The following CAMKMT variants were observed in gnomAD, a reference collection of about 807,000 sequenced individuals.
CAMKMT encodes calmodulin-lysine N-methyltransferase.
Under a neutral mutation model 48.0 loss-of-function variants are expected in CAMKMT, and 53 were observed. That is an observed-to-expected ratio of 1.10 (90% CI 0.89 to 1.39). CAMKMT has a LOEUF of 1.39. Among genes scored for constraint, CAMKMT ranks in the 40% most tolerant of loss-of-function variants. The pLI is 0.00. For missense variants in CAMKMT, 428 were observed against 402.7 expected, an observed-to-expected ratio of 1.06 and a Z score of -0.54; for synonymous variants, 165 against 152.3, an observed-to-expected ratio of 1.08 and a Z score of -0.61.
intron 3 of CAMKMT, among the ~76,000 whole-genome samples, chr2:44,587,959 CCT>C (rs1481630918): frequency 8.1e-6 from 1 of 123,466 alleles, no homozygotes; most frequent in African/African-American, 3.0e-5. Context: ...ATATGAGGAG[CCT>C]CTCTGCCTGG....
intron 3 of CAMKMT, among the ~76,000 whole-genome samples, chr2:44,420,946 G>C (rs1683898139): frequency 6.6e-6 from 1 of 151,656 alleles, no homozygotes; most frequent in Non-Finnish European, 1.5e-5. Context: ...GTAGTCAAGA[G>C]GATCACAAAG....
At chr2:44,470,994 C>CTTTTTT (rs11362559) in intron 3 of CAMKMT, among the ~76,000 whole-genome samples, 1 of 74,934 alleles carries the variant, frequency 1.3e-5, no homozygotes, top group Non-Finnish European at 2.7e-5. Flanking sequence ...CTCTCTCTCT[C>CTTTTTT]TTTTTTTTTT....
At chr2:44,706,886 T>C (rs889629230) in intron 5 of CAMKMT, among the ~76,000 whole-genome samples, 5 of 152,070 alleles carry the variant, frequency 3.3e-5, no homozygotes, top group Admixed American at 6.6e-5. Context: ...TCTCTACAAA[T>C]AAAAGCATAT....
intron 2 of CAMKMT, among the ~76,000 whole-genome samples, chr2:44,386,933 A>G (rs1433424309): frequency 6.6e-6 from 1 of 152,100 alleles, no homozygotes; most frequent in Non-Finnish European, 1.5e-5. Context: ...TTTATGGCCT[A>G]TCATATGGTC....
At chr2:44,562,570 C>G (rs1668380132) in intron 3 of CAMKMT, among the ~76,000 whole-genome samples, 1 of 151,832 alleles carries the variant, frequency 6.6e-6, no homozygotes, top group South Asian at 2.1e-4. Flanking sequence ...GCCATGCTCT[C>G]TTTTTTTTGA....
At chr2:44,699,219 C>G (rs1181132588) in intron 3 of CAMKMT, among the ~76,000 whole-genome samples, 1 of 152,208 alleles carries the variant, frequency 6.6e-6, no homozygotes, top group African/African-American at 2.4e-5. Context: ...AGATTTTCAA[C>G]TGACTTTGCT....
intron 3 of CAMKMT, among the ~76,000 whole-genome samples, chr2:44,686,392 C>CA (rs35238467): frequency 0.28 from 31,557 of 112,820 alleles, 3,761 homozygotes; most frequent in South Asian, 0.36. Context: ...GACTCTGCCT[C>CA]AAAAAAAAAA....
At chr2:44,556,116 C>T (rs1261143268) in intron 3 of CAMKMT, among the ~76,000 whole-genome samples, 1 of 151,956 alleles carries the variant, frequency 6.6e-6, no homozygotes, top group African/African-American at 2.4e-5. Flanking sequence ...AAAATACCTA[C>T]AATTTTTTTT....
chr2:44,626,628 G>A (rs1339841906), intron 3 of CAMKMT, among the ~76,000 whole-genome samples: 1 of 152,070 alleles, frequency 6.6e-6, no homozygotes, highest in Non-Finnish European at 1.5e-5. Context: ...ACGGTAGAAG[G>A]GGCTAGCTAG....
chr2:44,716,583 C>A lies in CAMKMT; in HGVS notation c.623+1230C>A, dbSNP rs1214147912. On this transcript the variant is annotated intron_variant, in intron 7 of 10. Transcript: ENST00000378494. ...TGTGTTTCTCATATAAATGAACAAA[C>A]CACTTCTGTTTCCCAGAAAACCTGG... Among the ~76,000 whole-genome samples, 6 of 152,128 alleles carry A rather than the reference C, an allele frequency of 3.9e-5. No homozygotes were observed. In the East Asian group the frequency reaches 1.2e-3, roughly 29 times the overall value.
intron 3 of CAMKMT, among the ~76,000 whole-genome samples, chr2:44,533,785 A>T (rs1029060080): frequency 6.6e-6 from 1 of 152,238 alleles, no homozygotes; most frequent in African/African-American, 2.4e-5. Context: ...AAAGAAAAAC[A>T]CTAAACCACA....
Position 44,361,996 on chromosome 2 carries a change from G to A in CAMKMT, c.-12G>A, listed in dbSNP as rs752887277. The A allele has an allele frequency of 6.7e-5, 93 of 1,383,948 alleles. No homozygotes were observed. Among genetic ancestry groups the A allele is most frequent in the Non-Finnish European group, 7.5e-6 (8 of 1,072,860 alleles). 85.7% of individuals were successfully genotyped at this position (1,383,948 alleles called of 1,614,324 possible). ...GGCGGTGGCACCTCCGGGTGTGGAA[G>A]GCTCCAGTGAGATGGAGTCGCGAGT... On this transcript the variant is annotated 5_prime_UTR_variant, in exon 1 of 11. Coordinates refer to ENST00000378494, the MANE Select transcript of CAMKMT (RefSeq NM_024766.5).
At chr2:44,455,571 T>C (rs1054532139) in intron 3 of CAMKMT, among the ~76,000 whole-genome samples, 2 of 152,186 alleles carry the variant, frequency 1.3e-5, no homozygotes, top group African/African-American at 4.8e-5. Context: ...ACTAGTGTCT[T>C]GAGAGTCAAA....
intron 3 of CAMKMT, among the ~76,000 whole-genome samples, chr2:44,557,742 C>T (rs1668092515): frequency 6.6e-6 from 1 of 152,192 alleles, no homozygotes; most frequent in Non-Finnish European, 1.5e-5. Flanking sequence ...GGGAGGTGAT[C>T]ACTTTTTGTG....
rs1669755595 is a variant in CAMKMT at position 44,584,756 on chromosome 2, A to G, written c.377-119527A>G. Among the ~76,000 whole-genome samples, 3 of 152,088 alleles carry G rather than the reference A, an allele frequency of 2.0e-5. No individual in the cohort carries two copies. In the South Asian group the frequency reaches 6.2e-4, roughly 32 times the overall value. ...GGGAAATTGGGTGTCTGCATGAAATAATTAAAAAAAATAGTAGGCCGGGTG... is the reference window on the plus strand; with the variant it reads ...GGGAAATTGGGTGTCTGCATGAAATGATTAAAAAAAATAGTAGGCCGGGTG... On this transcript the variant is annotated intron_variant, in intron 3 of 10. Coordinates refer to ENST00000378494, the MANE Select transcript of CAMKMT (RefSeq NM_024766.5).
At chr2:44,400,269 C>G (rs1245391400) in intron 3 of CAMKMT, among the ~76,000 whole-genome samples, 3 of 151,462 alleles carry the variant, frequency 2.0e-5, no homozygotes, top group African/African-American at 7.3e-5. Context: ...TTAGGTAATA[C>G]AATAATTTTT....
chr2:44,747,135 T>G (rs1446358075), intron 8 of CAMKMT, among the ~76,000 whole-genome samples: 1 of 152,104 alleles, frequency 6.6e-6, no homozygotes, highest in African/African-American at 2.4e-5. Context: ...TGGAAAGAAA[T>G]AAGGGAAAGT....
chr2:44,456,918 C>T (rs1342049467), intron 3 of CAMKMT: 2 of 244,128 alleles, frequency 8.2e-6, no homozygotes, highest in Non-Finnish European at 1.6e-5. Flanking sequence ...ACAATAAATT[C>T]TATTTAAAAT....
chr2:44,750,089 C>T (rs191400670), intron 8 of CAMKMT, among the ~76,000 whole-genome samples: 64 of 151,944 alleles, frequency 4.2e-4, no homozygotes, highest in Non-Finnish European at 7.7e-4. Context: ...TCCAAACAAA[C>T]GTATTTGAAA....
Sources: gnomAD v4.1 joint callset for allele counts (sites outside exome capture counted in the v4.1 genomes callset) on GRCh38, gnomAD v4.1.1 for gene constraint, MANE v1.5 for transcripts, NCBI Gene and HGNC (gene_info 2026-07-23, HGNC 2026-07-21) for gene names.